The following PRR5L variants were observed in gnomAD, a reference collection of about 807,000 sequenced individuals.
The protein encoded by PRR5L is proline-rich protein 5-like.
A neutral mutation model predicts 36.4 loss-of-function variants in PRR5L; 21 were observed. That is an observed-to-expected ratio of 0.58 (90% CI 0.41 to 0.83). The LOEUF (loss-of-function observed/expected upper bound fraction) is 0.83, where lower values mean the gene tolerates loss of function less well. PRR5L is among the 40% of genes least tolerant of loss of function. The pLI is 0.00. For missense variants in PRR5L, 381 were observed against 473.3 expected (o/e 0.80, Z 1.81); for synonymous variants, 188 against 197.0 (o/e 0.95, Z 0.38).
intron 1 of PRR5L, among the ~76,000 whole-genome samples, chr11:36,380,013 T>C (rs1428384360): frequency 3.9e-5 from 6 of 152,128 alleles, no homozygotes; most frequent in Admixed American, 6.5e-5. Flanking sequence ...GTCTTGCTCT[T>C]TTCAGTACAT....
chr11:36,390,732 A>G (rs1431043602), intron 1 of PRR5L, among the ~76,000 whole-genome samples: 1 of 152,226 alleles, frequency 6.6e-6, no homozygotes, highest in Admixed American at 6.5e-5. Context: ...TCCAAATGTG[A>G]TGCACTCCGA....
Position 36,422,843 on chromosome 11 carries a change from C to T in PRR5L, c.294+3540C>T, listed in dbSNP as rs146081984. 3.3e-3 allele frequency among the ~76,000 whole-genome samples: 495 copies of T among 152,112 alleles called. 2 individuals are homozygous for T. The highest frequency in any genetic ancestry group is 6.0e-3 in the Non-Finnish European group (406 of 67,986). On this transcript the variant is annotated intron_variant, in intron 4 of 8. Coordinates refer to ENST00000530639, the MANE Select transcript of PRR5L (RefSeq NM_001160167.2). ...CCTTTCCCTCTGTTTTGAATTGTGT[C>T]CGGAAGGAAAATTGGGGTTTCCGAG... is the stretch of plus-strand genomic sequence containing the variant.
intron 6 of PRR5L, among the ~76,000 whole-genome samples, chr11:36,446,040 T>C (rs1858821482): frequency 6.6e-6 from 1 of 152,236 alleles, no homozygotes; most frequent in Non-Finnish European, 1.5e-5. Flanking sequence ...ATAGCACTTA[T>C]AATAGTGTGG....
intron 5 of PRR5L, among the ~76,000 whole-genome samples, chr11:36,434,232 T>A (rs1446972814): frequency 2.0e-5 from 3 of 152,316 alleles, no homozygotes; most frequent in Middle Eastern, 3.4e-3. Context: ...TTCTGGGTGT[T>A]GGGGCCTGTT....
intron 1 of PRR5L, among the ~76,000 whole-genome samples, chr11:36,338,798 C>T (rs1052727313): frequency 1.3e-5 from 2 of 152,072 alleles, no homozygotes; most frequent in Admixed American, 1.3e-4. Flanking sequence ...GTGATCTTGG[C>T]TCACTGCGAC....
intron 1 of PRR5L, chr11:36,396,054 T>C (rs1359549252): frequency 6.6e-6 from 1 of 152,152 alleles, no homozygotes; most frequent in Admixed American, 6.5e-5. Flanking sequence ...AAAATGTATG[T>C]TTGCGTGTGT....
At chr11:36,376,344 AAGAGGAG>A in intron 1 of PRR5L, 1 of 989,448 alleles carries the variant, frequency 1.0e-6, no homozygotes, top group East Asian at 8.8e-5. Context: ...GAGGAGGAGG[AAGAGGAG>A]GAGGAGGAGG....
chr11:36,318,406 C>T lies in PRR5L; in HGVS notation c.-126+21968C>T, dbSNP rs114098789. Among the ~76,000 whole-genome samples the T allele has an allele frequency of 7.2e-3, 1,098 of 152,244 alleles. 17 individuals are homozygous for T. The highest frequency in any genetic ancestry group is 0.025 in the African/African-American group (1,045 of 41,550). Reference sequence around the variant, plus strand: ...ACTTCCCACTAATATCTACTAGTTGCGAACCATTGGATTCATTGGCTAATT... The same window carrying T: ...ACTTCCCACTAATATCTACTAGTTGTGAACCATTGGATTCATTGGCTAATT... On this transcript the variant is annotated intron_variant, in intron 1 of 8. Coordinates refer to ENST00000530639, the MANE Select transcript of PRR5L (RefSeq NM_001160167.2).
At position 36,344,275 on chromosome 11, in the gene PRR5L, A is replaced by G; in HGVS notation, c.-126+47837A>G. ...ATCAGAAAATATATAAATGTATGAA[A>G]TAGTCTAATTCCACTACTCACAGAA... On this transcript the variant is annotated intron_variant, in intron 1 of 8. Coordinates refer to ENST00000530639, the MANE Select transcript of PRR5L (RefSeq NM_001160167.2). The surrounding 1 kb of genome is among the most constrained non-coding windows in gnomAD (Gnocchi z 4.1). 6.6e-6 allele frequency among the ~76,000 whole-genome samples: 1 copy of G among 152,212 alleles called. No homozygotes were observed. The highest frequency in any genetic ancestry group is 2.4e-5 in the African/African-American group (1 of 41,468).
rs1856845960 is a variant in PRR5L at position 36,344,462 on chromosome 11, T to C, written c.-126+48024T>C. 6.6e-6 allele frequency among the ~76,000 whole-genome samples: 1 copy of C among 152,234 alleles called. No homozygotes were observed. Reference sequence around the variant, plus strand: ...GACATCATTTTTAAGGCAAACATAATGTTCCATTCTATGGCTATATTGTAC... The same window carrying C: ...GACATCATTTTTAAGGCAAACATAACGTTCCATTCTATGGCTATATTGTAC... On this transcript the variant is annotated intron_variant, in intron 1 of 8. Coordinates refer to ENST00000530639, the MANE Select transcript of PRR5L (RefSeq NM_001160167.2). The surrounding 1 kb of genome is among the most constrained non-coding windows in gnomAD (Gnocchi z 4.1).
intron 1 of PRR5L, among the ~76,000 whole-genome samples, chr11:36,384,683 CTTT>C (rs1327279602): frequency 4.3e-5 from 5 of 115,862 alleles, no homozygotes; most frequent in Admixed American, 9.3e-5. Flanking sequence ...TTCTTTCTTT[CTTT>C]TTTGGAGATA....
chr11:36,327,970 A>ACAT (rs149053863), intron 1 of PRR5L, among the ~76,000 whole-genome samples: 3,349 of 152,332 alleles, frequency 0.022, 72 homozygotes, highest in East Asian at 0.097. Flanking sequence ...CTCCCTGGGT[A>ACAT]CATGTTCTCA....
chr11:36,345,215 G>C (rs575240522), intron 1 of PRR5L, among the ~76,000 whole-genome samples: 11 of 152,246 alleles, frequency 7.2e-5, no homozygotes, highest in African/African-American at 2.6e-4. Context: ...ATAGGTAGAG[G>C]AAGAAGGGGG....
At chr11:36,383,072 T>C (rs947197803) in intron 1 of PRR5L, among the ~76,000 whole-genome samples, 1 of 152,190 alleles carries the variant, frequency 6.6e-6, no homozygotes, top group Admixed American at 6.5e-5. Flanking sequence ...GCAAGTTGCT[T>C]AAATGCTCTG....
chr11:36,409,980 A>C (rs1857991125), intron 3 of PRR5L, among the ~76,000 whole-genome samples: 1 of 152,170 alleles, frequency 6.6e-6, no homozygotes, highest in South Asian at 2.1e-4. Context: ...GGCTTGATGT[A>C]CCTGGACATA....
chr11:36,320,071 A>G (rs1172624140), intron 1 of PRR5L, among the ~76,000 whole-genome samples: 1 of 152,172 alleles, frequency 6.6e-6, no homozygotes, highest in African/African-American at 2.4e-5. Context: ...GGTGCCCTGC[A>G]AATGCAGTTC....
intron 1 of PRR5L, among the ~76,000 whole-genome samples, chr11:36,325,475 A>G (rs1856652656): frequency 6.6e-6 from 1 of 152,234 alleles, no homozygotes; most frequent in East Asian, 1.9e-4. Flanking sequence ...GCTCCCATAC[A>G]AAGGGAGGGG....
rs1565406497 is a variant in PRR5L at position 36,350,962 on chromosome 11, T to TTATATATTTATATATATATATTTA, written c.-125-50018_-125-50017insATATTTATATATATTTATATATAT. ...TTTATATATATATATTTATATATAT[T>TTATATATTTATATATATATATTTA]TATATATTTATATATATTTATATAT... On this transcript the variant is annotated intron_variant, in intron 1 of 8. Transcript: ENST00000530639. Among the ~76,000 whole-genome samples the TTATATATTTATATATATATATTTA allele has an allele frequency of 9.0e-3, 831 of 92,380 alleles. 108 individuals carry two copies. The highest frequency in any genetic ancestry group is 0.014 in the Non-Finnish European group (707 of 52,324). The allele number at this position is 92,380 out of a possible 152,430, so 60.6% of individuals were successfully genotyped here. A position where few individuals can be genotyped will look rare whatever the true frequency, so the allele number is the denominator to read the frequency against.
At chr11:36,398,641 C>G (rs993575409) in intron 1 of PRR5L, 1 of 152,280 alleles carries the variant, frequency 6.6e-6, no homozygotes, top group Non-Finnish European at 1.5e-5. Context: ...CCGCGGGAGC[C>G]ATAGTCGTAG....
Sources: allele counts gnomAD v4.1 joint callset (sites outside exome capture counted in the v4.1 genomes callset), GRCh38; gene constraint gnomAD v4.1.1; non-coding constraint Gnocchi (gnomAD v3.1); transcripts MANE v1.5; gene names NCBI Gene and HGNC (gene_info 2026-07-23, HGNC 2026-07-21).